Variants in PTPN14 observed in about 807,000 individuals in gnomAD.
The protein encoded by PTPN14 is tyrosine-protein phosphatase non-receptor type 14.
PTPN14 carries 53 observed loss-of-function variants against 126.8 expected under a neutral mutation model. That is an observed-to-expected ratio of 0.42 (90% CI 0.34 to 0.53). The LOEUF is 0.53. Among genes scored for constraint, PTPN14 ranks in the 20% least tolerant of loss-of-function variants. PTPN14 has a pLI of 0.08. For synonymous variants in PTPN14, 630 were observed against 599.3 expected (o/e 1.05, Z -0.75); for missense variants, 1,257 against 1,552.9 (o/e 0.81, Z 3.20).
In PTPN14 at chr1:214,352,380, C is replaced by T. The variant is rs935374967; in HGVS notation, c.*5542G>A. On this transcript the variant is annotated 3_prime_UTR_variant, in exon 19 of 19. Transcript: ENST00000366956. ...TGAGTTTCTAACAGAAACACAAAAG[C>T]TGAGAGCAGGCTGGATAAAGGCTGA... 2.0e-5 allele frequency: 3 copies of T among 152,202 alleles called. No homozygotes were observed. The highest frequency in any genetic ancestry group is 2.9e-5 in the Non-Finnish European group (2 of 68,040). The allele number at this position is 152,202 out of a possible 1,614,324, so 9.4% of individuals were successfully genotyped here.
At chr1:214,539,035 A>G (rs1222908579) in intron 1 of PTPN14, among the ~76,000 whole-genome samples, 2 of 152,210 alleles carry the variant, frequency 1.3e-5, no homozygotes, top group African/African-American at 4.8e-5. Context: ...ATGTGCTACA[A>G]AACACAAAAG....
intron 1 of PTPN14, among the ~76,000 whole-genome samples, chr1:214,508,390 G>C (rs762539452): frequency 8.5e-5 from 13 of 152,130 alleles, no homozygotes; most frequent in Non-Finnish European, 1.9e-4. Flanking sequence ...TTCCATCTCA[G>C]GAAACCACTT....
At chr1:214,388,395 A>T (rs1658672813) in intron 11 of PTPN14, among the ~76,000 whole-genome samples, 1 of 151,444 alleles carries the variant, frequency 6.6e-6, no homozygotes, top group Non-Finnish European at 1.5e-5. Context: ...AATCTCTCAT[A>T]TTTCTTTTTT....
intron 1 of PTPN14, among the ~76,000 whole-genome samples, chr1:214,519,773 G>T (rs1442816821): frequency 2.0e-5 from 3 of 151,952 alleles, no homozygotes; most frequent in Non-Finnish European, 2.9e-5. Flanking sequence ...AAGCAGGCTG[G>T]GTGTCGTGGC....
At chr1:214,535,234 G>C (rs992276251) in intron 1 of PTPN14, among the ~76,000 whole-genome samples, 1 of 151,948 alleles carries the variant, frequency 6.6e-6, no homozygotes, top group African/African-American at 2.4e-5. Flanking sequence ...TTCTCATTTA[G>C]ATGCTACCTC....
chr1:214,358,367 A>G (rs1363385952), intron 18 of PTPN14, among the ~76,000 whole-genome samples: 1 of 152,164 alleles, frequency 6.6e-6, no homozygotes, highest in Non-Finnish European at 1.5e-5. Flanking sequence ...CCTGGGCTCA[A>G]GCAGTCCTCC....
At chr1:214,380,532 A>T (rs1658448058) in intron 13 of PTPN14, among the ~76,000 whole-genome samples, 1 of 152,232 alleles carries the variant, frequency 6.6e-6, no homozygotes, top group African/African-American at 2.4e-5. Flanking sequence ...AAGCAGTAGG[A>T]GCCAGAATGA....
At chr1:214,420,359 C>T (rs991493119) in intron 3 of PTPN14, among the ~76,000 whole-genome samples, 3 of 152,224 alleles carry the variant, frequency 2.0e-5, no homozygotes, top group Non-Finnish European at 4.4e-5. Context: ...TTTCAACATT[C>T]ATTGATCAAT....
At chr1:214,538,042 T>G (rs1655749617) in intron 1 of PTPN14, among the ~76,000 whole-genome samples, 1 of 152,224 alleles carries the variant, frequency 6.6e-6, no homozygotes, top group Non-Finnish European at 1.5e-5. Flanking sequence ...ATATCCCAAC[T>G]CAGACTAGCC....
In PTPN14 at chr1:214,383,646, G is replaced by T; in HGVS notation, c.2209C>A (p.Leu737Met). Residue 737 changes from leucine to methionine, a missense_variant, in exon 13 of 19, where the codon CTG (leucine) becomes ATG (methionine). Around this residue, in one of 3 missense-constraint regions of PTPN14, gnomAD observed 1,021 missense variants for 1,183.3 expected, o/e 0.86. Coordinates refer to ENST00000366956, the MANE Select transcript of PTPN14 (RefSeq NM_005401.5). This position sits in a 1 kb window ranked among gnomAD's most constrained non-coding sequence, Gnocchi z 4.4. The part of the protein sequence containing the change: ...LREKMEYSAQ[L>M]QAALARIPNK... The stretch of plus-strand genomic sequence containing the variant: ...GGGATGCGGGCCAGGGCCGCCTGCA[G>T]CTGGGCACTGTACTCCATCTTCTCC... 6.2e-7 allele frequency: 1 copy of T among 1,613,478 alleles called. No homozygotes were observed.
At chr1:214,433,540 C>T (rs1035140247) in intron 3 of PTPN14, among the ~76,000 whole-genome samples, 1 of 151,940 alleles carries the variant, frequency 6.6e-6, no homozygotes, top group African/African-American at 2.4e-5. Context: ...ATTGATTGAG[C>T]CAGAGTATTG....
chr1:214,430,136 C>T (rs4314860), intron 3 of PTPN14, among the ~76,000 whole-genome samples: 40,938 of 152,128 alleles, frequency 0.27, 6,271 homozygotes, highest in Non-Finnish European at 0.34. Flanking sequence ...TCCTTGAGGA[C>T]TTTGCATTGC....
chr1:214,504,089 C>T (rs1014491156), intron 1 of PTPN14, among the ~76,000 whole-genome samples: 2 of 152,156 alleles, frequency 1.3e-5, no homozygotes, highest in Admixed American at 6.5e-5. Context: ...CATTCCTCCC[C>T]AACTAGTAAT....
intron 1 of PTPN14, among the ~76,000 whole-genome samples, chr1:214,544,263 T>C (rs559797529): frequency 5.9e-5 from 9 of 152,004 alleles, no homozygotes; most frequent in South Asian, 2.1e-4. Context: ...ACTCCATCTG[T>C]ACAAAAATTT....
At chr1:214,533,305 G>T in intron 1 of PTPN14, 1 of 577,108 alleles carries the variant, frequency 1.7e-6, no homozygotes, top group Non-Finnish European at 3.2e-6. Context: ...GGAGGCTAGG[G>T]TCACCACCTA....
intron 11 of PTPN14, among the ~76,000 whole-genome samples, chr1:214,390,542 C>T (rs1459841147): frequency 6.6e-6 from 1 of 152,168 alleles, no homozygotes; most frequent in Non-Finnish European, 1.5e-5. Context: ...CTGCCTGAGA[C>T]CATCAACTAG....
rs146977657 is a variant in PTPN14, at chr1:214,362,366, C to T, written c.3435+2146G>A. The stretch of plus-strand genomic sequence containing the variant: ...GGAACAGAAGTTCTTTTTGGGTTGA[C>T]CACGTCCCAGCAAAGAATGTTCTGG... On this transcript the variant is annotated intron_variant, in intron 18 of 18. Coordinates refer to ENST00000366956, the MANE Select transcript of PTPN14 (RefSeq NM_005401.5). Among the ~76,000 whole-genome samples the T allele has an allele frequency of 2.6e-4, 40 of 152,314 alleles. 1 individual carries two copies. In the East Asian group the frequency reaches 7.5e-3, roughly 29 times the overall value.
rs368355982 is a variant in PTPN14, at chr1:214,369,577, A to T, written c.3151T>A (p.Tyr1051Asn). Residue 1051 changes from tyrosine (Y) to asparagine (N), a missense_variant, in exon 17 of 19, where the codon TAT becomes AAT. This residue lies in a region of PTPN14 where 171 missense variants were observed against 229.8 expected (regional missense o/e 0.74). Coordinates refer to ENST00000366956, the MANE Select transcript of PTPN14 (RefSeq NM_005401.5). The part of the protein sequence containing the change: ...TTKFRTDSVC[Y>N]ATTGLKVKHL... ...TTGACCTTCAAGCCCGTGGTTGCAT[A>T]GCAAACAGAATCCGTTCGAAACTTC... is the stretch of plus-strand genomic sequence containing the variant. 10 of 1,614,088 alleles carry T rather than the reference A, an allele frequency of 6.2e-6. No homozygotes were observed. Among genetic ancestry groups the T allele is most frequent in the Non-Finnish European group, 8.5e-6 (10 of 1,180,050 alleles).
At chr1:214,500,553 A>G (rs890516774) in intron 1 of PTPN14, among the ~76,000 whole-genome samples, 2 of 152,170 alleles carry the variant, frequency 1.3e-5, no homozygotes, top group Admixed American at 1.3e-4. Flanking sequence ...GGCTTGAGGC[A>G]TCGGCTCACT....
Sources: allele counts gnomAD v4.1 joint callset (sites outside exome capture counted in the v4.1 genomes callset), GRCh38; gene constraint gnomAD v4.1.1; regional missense constraint gnomAD v4.1.1; non-coding constraint Gnocchi (gnomAD v3.1); transcripts MANE v1.5; gene names NCBI Gene and HGNC (gene_info 2026-07-23, HGNC 2026-07-21).